THAP8: variants seen among roughly 807,000 people sequenced by gnomAD.
THAP8 encodes the protein THAP domain-containing protein 8.
A neutral mutation model predicts 25.0 loss-of-function variants in THAP8; 24 were observed. The observed-to-expected ratio is 0.96, with a 90% CI of 0.69 to 1.35. THAP8 has a LOEUF of 1.35. THAP8 is among the 40% of genes most tolerant of loss of function. The probability of loss-of-function intolerance (pLI) is 0.00; values close to 1 mark genes in which losing one functional copy is unlikely to be tolerated. For synonymous variants in THAP8, 169 were observed against 157.6 expected (o/e 1.07, Z -0.54); for missense variants, 399 against 368.8 (o/e 1.08, Z -0.67).
chr19:36,048,510 C>T (rs954437897), intron 1 of THAP8, among the ~76,000 whole-genome samples: 3 of 151,964 alleles, frequency 2.0e-5, no homozygotes, highest in South Asian at 2.1e-4. Context: ...GGATTACAGG[C>T]GTGTGCCACC....
At chr19:36,037,058 A>T (rs1472160109) in intron 3 of THAP8, among the ~76,000 whole-genome samples, 1 of 151,746 alleles carries the variant, frequency 6.6e-6, no homozygotes, top group Non-Finnish European at 1.5e-5. Context: ...TCTCTCTCAT[A>T]CAAGCAGGGC....
chr19:36,044,689 C>T (rs1969814883), intron 1 of THAP8, among the ~76,000 whole-genome samples: 1 of 152,144 alleles, frequency 6.6e-6, no homozygotes, highest in South Asian at 2.1e-4. Flanking sequence ...ACAGAGGTCT[C>T]ACTATGTTGT....
intron 1 of THAP8, among the ~76,000 whole-genome samples, chr19:36,050,006 A>T (rs1395739723): frequency 6.7e-6 from 1 of 150,354 alleles, no homozygotes; most frequent in Non-Finnish European, 1.5e-5. Flanking sequence ...GTGAGCCGAG[A>T]TCATACCACT....
intron 1 of THAP8, among the ~76,000 whole-genome samples, chr19:36,052,250 G>A (rs571126415): frequency 5.3e-5 from 8 of 152,182 alleles, no homozygotes; most frequent in East Asian, 3.9e-4. Flanking sequence ...TCGCCATGTT[G>A]GCCAGGATGG....
At chr19:36,049,277 A>C (rs953099901) in intron 1 of THAP8, among the ~76,000 whole-genome samples, 2 of 152,250 alleles carry the variant, frequency 1.3e-5, no homozygotes, top group South Asian at 2.1e-4. Flanking sequence ...AGATGGGAGG[A>C]CTGCTTGAGC....
At position 36,039,448 on chromosome 19, in the gene THAP8, G is replaced by A. The variant is rs779483483; in HGVS notation, c.547C>T (p.Arg183Trp). The change falls in exon 3 of 4, where the codon CGG becomes TGG. Residue 183 changes from arginine (R) to tryptophan (W), a missense_variant. Transcript: ENST00000292894. ...TGGCACCGTTGCAGCCTCCGCACCC[G>A]GCGTTGCAGTGCTCCCAGCACTGGG... is the stretch of plus-strand genomic sequence containing the variant. ...LGPVLGALQR[R>W]VRRLQRCQER... The A allele has an allele frequency of 2.4e-5, 39 of 1,595,584 alleles. 1 individual carries two copies. Among genetic ancestry groups the A allele is most frequent in the South Asian group, 1.6e-4 (14 of 88,588 alleles).
intron 1 of THAP8, among the ~76,000 whole-genome samples, chr19:36,048,754 G>A (rs1192624624): frequency 2.0e-5 from 3 of 147,790 alleles, no homozygotes; most frequent in African/African-American, 5.0e-5. Context: ...AGGTTGAGGC[G>A]GGAGGACTGC....
chr19:36,048,841 T>TTAA (rs1555790074), intron 1 of THAP8, among the ~76,000 whole-genome samples: 1 of 83,896 alleles, frequency 1.2e-5, no homozygotes, highest in South Asian at 4.1e-4. Flanking sequence ...ACCCCTTCTT[T>TTAA]AAAAAAAAAA....
intron 3 of THAP8, among the ~76,000 whole-genome samples, chr19:36,037,937 CTTTT>C (rs1040811780): frequency 1.3e-5 from 2 of 151,856 alleles, no homozygotes; most frequent in Non-Finnish European, 2.9e-5. Context: ...CACACCCGGC[CTTTT>C]TTTGTTTTTG....
chr19:36,050,831 T>A (rs1225836742), intron 1 of THAP8, among the ~76,000 whole-genome samples: 7 of 152,300 alleles, frequency 4.6e-5, no homozygotes, highest in Admixed American at 4.6e-4. Flanking sequence ...CCAGGGTCCC[T>A]CAAAGGATCC....
At chr19:36,054,359 G>T, upstream of THAP8, 1 of 1,011,220 alleles carries the variant, frequency 9.9e-7, no homozygotes, top group Non-Finnish European at 1.5e-6. Context: ...CGGGGAGAGA[G>T]CTGAGAGCGC....
Position 36,040,040 on chromosome 19 carries a change from C to T in THAP8, c.180G>A (p.Glu60=), listed in dbSNP as rs1969634651. Residue 60 remains glutamate, a synonymous_variant, in exon 2 of 4, where the codon GAG becomes GAA. Coordinates refer to ENST00000292894, the MANE Select transcript of THAP8 (RefSeq NM_152658.3). Reference sequence around the variant, plus strand: ...ACTGGAAGCAGGAGGGTGTGAAGTGCTCGCTGCACAAGTGCTGGTGGCAGC... The same window carrying T: ...ACTGGAAGCAGGAGGGTGTGAAGTGTTCGCTGCACAAGTGCTGGTGGCAGC... The part of the protein sequence containing the change: ...VPSCHQHLCS[E]HFTPSCFQWR... 1 of 1,613,782 alleles carries T rather than the reference C, an allele frequency of 6.2e-7. No individual in the cohort carries two copies. The highest frequency in any genetic ancestry group is 1.1e-5 in the South Asian group (1 of 91,084).
At chr19:36,041,824 T>C (rs1969702491) in intron 1 of THAP8, among the ~76,000 whole-genome samples, 1 of 152,156 alleles carries the variant, frequency 6.6e-6, no homozygotes, top group Non-Finnish European at 1.5e-5. Flanking sequence ...CTTGTGTCTG[T>C]AATCCCAGCA....
At chr19:36,042,349 AGGCCTGGCGTGGT>A (rs1214537800) in intron 1 of THAP8, among the ~76,000 whole-genome samples, 6 of 152,164 alleles carry the variant, frequency 3.9e-5, no homozygotes, top group Non-Finnish European at 8.8e-5. Flanking sequence ...AACATAAATC[AGGCCTGGCGTGGT>A]GGCTCATGCC....
At chr19:36,037,951 GTTTTT>G (rs2145428331) in intron 3 of THAP8, among the ~76,000 whole-genome samples, 1 of 151,292 alleles carries the variant, frequency 6.6e-6, no homozygotes, top group South Asian at 2.1e-4. Flanking sequence ...TTTTGTTTTT[GTTTTT>G]GTTTTTGAGA....
chr19:36,037,460 C>T (rs910900142), intron 3 of THAP8, among the ~76,000 whole-genome samples: 4 of 151,952 alleles, frequency 2.6e-5, no homozygotes, highest in Non-Finnish European at 4.4e-5. Context: ...AACTCCAGCT[C>T]TATAGGGGCC....
intron 1 of THAP8, among the ~76,000 whole-genome samples, chr19:36,053,331 G>T (rs1226917600): frequency 1.7e-5 from 2 of 121,152 alleles, no homozygotes; most frequent in Non-Finnish European, 3.2e-5. Flanking sequence ...GCCTCCCAAA[G>T]TGCTGGGATT....
chr19:36,039,958 C>T lies in THAP8; in HGVS notation c.262G>A (p.Gly88Arg). 1 of 1,612,924 alleles carries T rather than the reference C, an allele frequency of 6.2e-7. No individual in the cohort carries two copies. Among genetic ancestry groups the T allele is most frequent in the Non-Finnish European group, 8.5e-7 (1 of 1,179,916 alleles). The change falls in exon 2 of 4, where the codon GGA becomes AGA. Residue 88 changes from glycine to arginine, a missense_variant. Gly to Arg is a moderately radical substitution (Grantham distance 125, BLOSUM62 -2). Coordinates refer to ENST00000292894, the MANE Select transcript of THAP8 (RefSeq NM_152658.3). ...PDAVPSIFSR[G>R]PPAKSQRRTR... Reference sequence around the variant, plus strand: ...CCAGCGCTCACCTTGGCAGGTGGTCCCCGGGAGAAGATGGAGGGCACTGCA... The same window carrying T: ...CCAGCGCTCACCTTGGCAGGTGGTCTCCGGGAGAAGATGGAGGGCACTGCA...
chr19:36,039,336 C>T lies in THAP8; in HGVS notation c.659G>A (p.Gly220Asp). ...GGTGCCACTCACCAGGCGCTGCAGA[C>T]CCCGGCGTGCCCGTGCCAGCAGGCT... The part of the protein sequence containing the change: ...GESLLARARR[G>D]LQRLTTAQTL... Residue 220 changes from glycine to aspartate, a missense_variant, in exon 3 of 4, where the codon GGT (glycine) becomes GAT (aspartate). Coordinates refer to ENST00000292894, the MANE Select transcript of THAP8 (RefSeq NM_152658.3). The T allele has an allele frequency of 6.6e-7, 1 of 1,510,956 alleles. No individual in the cohort carries two copies. The highest frequency in any genetic ancestry group is 1.4e-5 in the African/African-American group (1 of 72,480). The allele number at this position is 1,510,956 out of a possible 1,614,324, so 93.6% of individuals were successfully genotyped here. A position where few individuals can be genotyped will look rare whatever the true frequency, so the allele number is the denominator to read the frequency against.
Sources: gnomAD v4.1 joint callset for allele counts (sites outside exome capture counted in the v4.1 genomes callset) on GRCh38, gnomAD v4.1.1 for gene constraint, MANE v1.5 for transcripts, NCBI Gene and HGNC (gene_info 2026-07-23, HGNC 2026-07-21) for gene names.